Variants in GLIPR2 observed in about 807,000 individuals in gnomAD.
GLIPR2 encodes the protein Golgi-associated plant pathogenesis-related protein 1.
GLIPR2 carries 21 observed loss-of-function variants against 20.4 expected under a neutral mutation model. That is an observed-to-expected ratio of 1.03 (90% CI 0.73 to 1.48). The LOEUF (loss-of-function observed/expected upper bound fraction) is 1.48. Ranked by LOEUF, GLIPR2 falls within the 40% of genes most tolerant of loss-of-function variation. The pLI is 0.00. For synonymous variants in GLIPR2, 91 were observed against 80.5 expected, an observed-to-expected ratio of 1.13 and a Z score of -0.70; for missense variants, 205 against 200.1, an observed-to-expected ratio of 1.02 and a Z score of -0.15.
intron 1 of GLIPR2, among the ~76,000 whole-genome samples, chr9:36,143,942 C>G (rs1232621783): frequency 6.6e-6 from 1 of 152,220 alleles, no homozygotes; most frequent in Non-Finnish European, 1.5e-5. Context: ...GAGGCCTCCA[C>G]CGTGTCTTCC....
intron 4 of GLIPR2, among the ~76,000 whole-genome samples, chr9:36,155,073 A>T (rs1157223399): frequency 6.6e-6 from 1 of 152,248 alleles, no homozygotes; most frequent in East Asian, 1.9e-4. Flanking sequence ...TTTATCCTCT[A>T]TTCTGGGTGG....
At chr9:36,162,230 A>G in intron 4 of GLIPR2, 132 bp from the exon 5 acceptor site, 1 of 1,583,478 alleles carries the variant, frequency 6.3e-7, no homozygotes, top group Non-Finnish European at 8.5e-7. Context: ...CTTCCCCTGC[A>G]GGGGGTCTGT....
At chr9:36,142,433 A>T (rs947648751) in intron 1 of GLIPR2, among the ~76,000 whole-genome samples, 1 of 152,180 alleles carries the variant, frequency 6.6e-6, no homozygotes, top group Admixed American at 6.5e-5. Flanking sequence ...AAGAAAAAAC[A>T]TGGGTAAGGT....
intron 1 of GLIPR2, among the ~76,000 whole-genome samples, chr9:36,143,569 G>A (rs16932990): frequency 0.041 from 6,183 of 152,228 alleles, 414 homozygotes; most frequent in African/African-American, 0.14. Context: ...GCCCTTTCCC[G>A]CACACTCACA....
intron 4 of GLIPR2, among the ~76,000 whole-genome samples, chr9:36,151,815 T>A (rs1825600425): frequency 6.6e-6 from 1 of 152,110 alleles, no homozygotes; most frequent in Admixed American, 6.5e-5. Flanking sequence ...TCCTTGTCTT[T>A]CCTCAAAACC....
chr9:36,142,305 C>T (rs761615583), intron 1 of GLIPR2, among the ~76,000 whole-genome samples: 28 of 152,118 alleles, frequency 1.8e-4, no homozygotes, highest in African/African-American at 2.4e-5. Context: ...TTCCCTTTGT[C>T]GCCTGTGACC....
chr9:36,153,219 C>A (rs529472234), intron 4 of GLIPR2, among the ~76,000 whole-genome samples: 2 of 152,222 alleles, frequency 1.3e-5, no homozygotes, highest in East Asian at 3.9e-4. Flanking sequence ...CTTTCTCATG[C>A]CTTCCGTCCC....
chr9:36,142,814 C>T (rs1437471883), intron 1 of GLIPR2, among the ~76,000 whole-genome samples: 1 of 152,108 alleles, frequency 6.6e-6, no homozygotes, highest in Non-Finnish European at 1.5e-5. Context: ...CTGGGGCAGG[C>T]CCTCTCAGAG....
chr9:36,140,374 G>C (rs1236267565), intron 1 of GLIPR2, among the ~76,000 whole-genome samples: 2 of 152,194 alleles, frequency 1.3e-5, no homozygotes. Flanking sequence ...GCCAACCCCA[G>C]CAGTTTCATT....
intron 4 of GLIPR2, among the ~76,000 whole-genome samples, chr9:36,161,347 G>A (rs1051615998): frequency 1.3e-5 from 2 of 152,158 alleles, no homozygotes; most frequent in East Asian, 3.9e-4. Context: ...AAAACTGGGA[G>A]TGAGGTTTGG....
chr9:36,149,963 G>A (rs13440425), intron 3 of GLIPR2, among the ~76,000 whole-genome samples: 17,612 of 152,226 alleles, frequency 0.12, 1,223 homozygotes, highest in African/African-American at 0.19. Flanking sequence ...GGGAGGTGGA[G>A]GTTGCCGTGA....
intron 4 of GLIPR2, among the ~76,000 whole-genome samples, chr9:36,156,116 A>G (rs531500735): frequency 2.6e-5 from 4 of 152,200 alleles, no homozygotes; most frequent in Non-Finnish European, 5.9e-5. Context: ...AGGCTGAGGC[A>G]CAACAATCGC....
chr9:36,154,109 C>A (rs10972760), intron 4 of GLIPR2, among the ~76,000 whole-genome samples: 18,726 of 146,674 alleles, frequency 0.13, 1,485 homozygotes, highest in Middle Eastern at 0.2. Context: ...TTTCCCCCCC[C>A]CTTTGAGACC....
At chr9:36,160,517 G>T (rs1826010185) in intron 4 of GLIPR2, among the ~76,000 whole-genome samples, 1 of 151,748 alleles carries the variant, frequency 6.6e-6, no homozygotes, top group Non-Finnish European at 1.5e-5. Flanking sequence ...AAGAGAAAAA[G>T]AGAAGAGGAA....
At chr9:36,141,770 C>A in intron 1 of GLIPR2, 1 of 451,184 alleles carries the variant, frequency 2.2e-6, no homozygotes, top group Non-Finnish European at 4.4e-6. Context: ...CCTCCCATCT[C>A]AGTCTCCCGA....
intron 1 of GLIPR2, among the ~76,000 whole-genome samples, chr9:36,146,874 G>A (rs973205682): frequency 3.9e-5 from 6 of 152,150 alleles, no homozygotes; most frequent in African/African-American, 1.2e-4. Context: ...CTTCCCAGGC[G>A]GGCGTTACAT....
At chr9:36,139,664 C>T (rs2132707878) in intron 1 of GLIPR2, among the ~76,000 whole-genome samples, 1 of 152,322 alleles carries the variant, frequency 6.6e-6, no homozygotes, top group East Asian at 1.9e-4. Context: ...CTCCTCACTG[C>T]ACAGGAGCCA....
intron 1 of GLIPR2, among the ~76,000 whole-genome samples, chr9:36,141,200 C>T (rs1424618822): frequency 6.6e-6 from 1 of 152,156 alleles, no homozygotes; most frequent in African/African-American, 2.4e-5. Flanking sequence ...CTGCTGTTCT[C>T]ATTTTATGTA....
chr9:36,160,877 A>C (rs1261110350), intron 4 of GLIPR2, among the ~76,000 whole-genome samples: 2 of 152,056 alleles, frequency 1.3e-5, no homozygotes, highest in Non-Finnish European at 2.9e-5. Context: ...CCTTGTCTCT[A>C]CTAAAAATAC....
Sources: allele counts gnomAD v4.1 joint callset (sites outside exome capture counted in the v4.1 genomes callset), GRCh38; gene constraint gnomAD v4.1.1; transcripts MANE v1.5; gene names NCBI Gene and HGNC (gene_info 2026-07-23, HGNC 2026-07-21).